The following KCNH8 variants were observed in gnomAD, a reference collection of about 807,000 sequenced individuals.
KCNH8 encodes the protein voltage-gated delayed rectifier potassium channel KCNH8.
Under a neutral mutation model 103.6 loss-of-function variants are expected in KCNH8, and 70 were observed. That is an observed-to-expected ratio of 0.68 (90% CI 0.56 to 0.82). The LOEUF (loss-of-function observed/expected upper bound fraction) is 0.82, where lower values mean the gene tolerates loss of function less well. Among genes scored for constraint, KCNH8 ranks in the 40% least tolerant of loss-of-function variants. The pLI is 0.00. For missense variants in KCNH8, 1,217 were observed against 1,329.9 expected, an observed-to-expected ratio of 0.92 and a Z score of 1.32; for synonymous variants, 498 against 489.4, an observed-to-expected ratio of 1.02 and a Z score of -0.23.
chr3:19,319,657 T>C (rs1218296059), intron 3 of KCNH8, among the ~76,000 whole-genome samples: 2 of 152,056 alleles, frequency 1.3e-5, no homozygotes, highest in Non-Finnish European at 2.9e-5. Context: ...GGCTCTTTAC[T>C]TGGTTCCATA....
chr3:19,449,717 A>G (rs956734681), intron 8 of KCNH8, among the ~76,000 whole-genome samples: 1 of 152,118 alleles, frequency 6.6e-6, no homozygotes, highest in African/African-American at 2.4e-5. Flanking sequence ...TCTATCAAAC[A>G]ATGAAGACTA....
chr3:19,394,692 A>G (rs1438055460), intron 6 of KCNH8, among the ~76,000 whole-genome samples: 1 of 151,996 alleles, frequency 6.6e-6, no homozygotes, highest in Non-Finnish European at 1.5e-5. Context: ...ATTTGTCTGA[A>G]TTATTATTAT....
At chr3:19,471,910 A>G (rs916325952) in intron 11 of KCNH8, among the ~76,000 whole-genome samples, 3 of 152,230 alleles carry the variant, frequency 2.0e-5, no homozygotes. Flanking sequence ...CATGAGCCAA[A>G]TACGTAAGTA....
At chr3:19,485,236 T>C (rs1473046583) in intron 11 of KCNH8, among the ~76,000 whole-genome samples, 1 of 152,162 alleles carries the variant, frequency 6.6e-6, no homozygotes, top group African/African-American at 2.4e-5. Flanking sequence ...TAGGCCTTTT[T>C]AGTTTGTGTT....
chr3:19,491,638 A>G (rs1309467235), intron 11 of KCNH8, among the ~76,000 whole-genome samples: 4 of 152,226 alleles, frequency 2.6e-5, no homozygotes, highest in Non-Finnish European at 5.9e-5. Context: ...TGAGTAGTGC[A>G]GCAATGAACA....
At chr3:19,394,342 A>G (rs938797557) in intron 6 of KCNH8, among the ~76,000 whole-genome samples, 23 of 152,018 alleles carry the variant, frequency 1.5e-4, no homozygotes, top group African/African-American at 5.3e-4. Flanking sequence ...ATATTTTTCA[A>G]TTGGACCCTG....
chr3:19,348,093 T>G lies in KCNH8; in HGVS notation c.811+128T>G, dbSNP rs1429892596. ...CTTGATTCAGCCTCTGTTGCAAATT[T>G]TGGAGAAGCACATACTGTATTTGGA... On this transcript the variant is annotated intron_variant, in intron 5 of 15. Coordinates refer to ENST00000328405, the MANE Select transcript of KCNH8 (RefSeq NM_144633.3). 6 of 1,108,774 alleles carry G rather than the reference T, an allele frequency of 5.4e-6. No homozygotes were observed. In the East Asian group the frequency reaches 1.5e-4, roughly 27 times the overall value. The allele number at this position is 1,108,774 out of a possible 1,614,324, so 68.7% of individuals were successfully genotyped here.
At chr3:19,327,557 T>C (rs563082666) in intron 3 of KCNH8, among the ~76,000 whole-genome samples, 2 of 152,358 alleles carry the variant, frequency 1.3e-5, no homozygotes, top group African/African-American at 4.8e-5. Flanking sequence ...CCCAAAGTGC[T>C]GGGATTACAG....
At chr3:19,212,533 A>C (rs1474329979) in intron 1 of KCNH8, among the ~76,000 whole-genome samples, 1 of 152,190 alleles carries the variant, frequency 6.6e-6, no homozygotes, top group Admixed American at 6.5e-5. Flanking sequence ...CTAGTTTATA[A>C]ATCCTGAAAA....
At chr3:19,323,458 T>A (rs547572735) in intron 3 of KCNH8, among the ~76,000 whole-genome samples, 71 of 151,688 alleles carry the variant, frequency 4.7e-4, no homozygotes, top group Middle Eastern at 6.8e-3. Flanking sequence ...CAAAAAAAAA[T>A]AATAATAATA....
intron 3 of KCNH8, among the ~76,000 whole-genome samples, chr3:19,291,990 T>TAA (rs2064934772): frequency 6.6e-6 from 1 of 152,250 alleles, no homozygotes; most frequent in Non-Finnish European, 1.5e-5. Flanking sequence ...TAATGTCTTT[T>TAA]AAAAGTTCCT....
intron 1 of KCNH8, among the ~76,000 whole-genome samples, chr3:19,206,116 T>C (rs1013458083): frequency 6.7e-6 from 1 of 148,164 alleles, no homozygotes; most frequent in African/African-American, 2.6e-5. Flanking sequence ...TCCAGTCCCA[T>C]CCAGGTTGCT....
At chr3:19,274,328 A>G (rs550791201) in intron 2 of KCNH8, among the ~76,000 whole-genome samples, 1 of 152,266 alleles carries the variant, frequency 6.6e-6, no homozygotes, top group South Asian at 2.1e-4. Context: ...AGCACATAAT[A>G]CACTCTTAAT....
intron 1 of KCNH8, among the ~76,000 whole-genome samples, chr3:19,179,958 G>T (rs180961529): frequency 2.0e-5 from 3 of 152,168 alleles, no homozygotes; most frequent in East Asian, 3.9e-4. Context: ...GTTTTCTGAC[G>T]TAAGACTGAT....
intron 7 of KCNH8, among the ~76,000 whole-genome samples, chr3:19,399,596 G>A (rs1416320775): frequency 8.6e-5 from 13 of 151,882 alleles, no homozygotes; most frequent in African/African-American, 3.1e-4. Context: ...GTCTATGAGT[G>A]TGGCAATACT....
At chr3:19,321,989 T>A (rs1432743493) in intron 3 of KCNH8, among the ~76,000 whole-genome samples, 1 of 152,090 alleles carries the variant, frequency 6.6e-6, no homozygotes, top group Non-Finnish European at 1.5e-5. Flanking sequence ...TTTTTTTGTC[T>A]GATATAAGAA....
intron 3 of KCNH8, among the ~76,000 whole-genome samples, chr3:19,297,584 T>C (rs2125286715): frequency 6.6e-6 from 1 of 152,254 alleles, no homozygotes; most frequent in East Asian, 1.9e-4. Flanking sequence ...TTGCCTTCTG[T>C]AAAGGAATAT....
At chr3:19,152,446 T>A (rs764458691) in intron 1 of KCNH8, among the ~76,000 whole-genome samples, 9 of 152,152 alleles carry the variant, frequency 5.9e-5, no homozygotes, top group Non-Finnish European at 1.3e-4. Flanking sequence ...CATATCAAAA[T>A]TTGGCCAGAC....
At chr3:19,235,578 T>C (rs551632744) in intron 1 of KCNH8, among the ~76,000 whole-genome samples, 3 of 152,310 alleles carry the variant, frequency 2.0e-5, no homozygotes, top group African/African-American at 7.2e-5. Context: ...TGAATTTTGG[T>C]CACATTACTC....
Sources: gnomAD v4.1 joint callset for allele counts (sites outside exome capture counted in the v4.1 genomes callset) on GRCh38, gnomAD v4.1.1 for gene constraint, MANE v1.5 for transcripts, NCBI Gene and HGNC (gene_info 2026-07-23, HGNC 2026-07-21) for gene names.